KCNIP4: variants seen among roughly 807,000 people sequenced by gnomAD.
The protein encoded by KCNIP4 is potassium voltage-gated channel interacting protein 4.
Under a neutral mutation model 34.0 loss-of-function variants are expected in KCNIP4, and 12 were observed. That is an observed-to-expected ratio of 0.35 (90% CI 0.23 to 0.57). The LOEUF (loss-of-function observed/expected upper bound fraction) is 0.57. KCNIP4 is among the 20% of genes least tolerant of loss of function. The pLI is 0.83. For synonymous variants in KCNIP4, 124 were observed against 102.2 expected (o/e 1.21, Z -1.29); for missense variants, 238 against 311.7 (o/e 0.76, Z 1.78).
At chr4:21,608,429 A>G (rs951993806) in intron 1 of KCNIP4, among the ~76,000 whole-genome samples, 2 of 152,190 alleles carry the variant, frequency 1.3e-5, no homozygotes, top group Non-Finnish European at 2.9e-5. Flanking sequence ...GCTAAGGACC[A>G]TTCTTAGATT....
chr4:21,405,100 T>A (rs552270150), intron 1 of KCNIP4, among the ~76,000 whole-genome samples: 5 of 152,166 alleles, frequency 3.3e-5, no homozygotes, highest in Non-Finnish European at 5.9e-5. Flanking sequence ...CTCCCAGGTC[T>A]GATCACCCTG....
At chr4:21,388,185 GA>G (rs1184332300) in intron 1 of KCNIP4, among the ~76,000 whole-genome samples, 2 of 149,936 alleles carry the variant, frequency 1.3e-5, no homozygotes, top group African/African-American at 5.0e-5. Flanking sequence ...AATTATAACG[GA>G]TTACCATCAC....
chr4:21,035,275 T>C (rs926199627), intron 1 of KCNIP4, among the ~76,000 whole-genome samples: 20 of 152,214 alleles, frequency 1.3e-4, no homozygotes, highest in African/African-American at 4.3e-4. Flanking sequence ...TTGCCTGCAA[T>C]TTCCAAGGCT....
intron 1 of KCNIP4, among the ~76,000 whole-genome samples, chr4:21,140,824 T>C (rs568529808): frequency 5.9e-5 from 9 of 152,282 alleles, no homozygotes; most frequent in Non-Finnish European, 1.2e-4. Context: ...TCCCTGTCCA[T>C]CTGCTATTGA....
chr4:21,484,169 G>A (rs7678634), intron 1 of KCNIP4, among the ~76,000 whole-genome samples: 1,709 of 151,126 alleles, frequency 0.011, 36 homozygotes, highest in African/African-American at 0.039. Flanking sequence ...GCTCACGCCT[G>A]TAATCCCAGC....
chr4:20,945,395 C>A (rs757028404), intron 1 of KCNIP4, among the ~76,000 whole-genome samples: 2 of 152,154 alleles, frequency 1.3e-5, no homozygotes, highest in East Asian at 3.9e-4. Context: ...GAACATTTAG[C>A]CCTATCTTGA....
chr4:21,275,165 A>G (rs1201267198), intron 1 of KCNIP4, among the ~76,000 whole-genome samples: 1 of 152,164 alleles, frequency 6.6e-6, no homozygotes, highest in Non-Finnish European at 1.5e-5. Context: ...TCAGCCTTTT[A>G]TCTTTAGAGA....
intron 3 of KCNIP4, among the ~76,000 whole-genome samples, chr4:20,848,462 G>A (rs948195026): frequency 1.4e-5 from 2 of 148,118 alleles, no homozygotes; most frequent in African/African-American, 5.0e-5. Flanking sequence ...GAGAGAAAAG[G>A]AAGAAGAGAA....
intron 1 of KCNIP4, among the ~76,000 whole-genome samples, chr4:21,059,536 C>A (rs1292099597): frequency 2.0e-5 from 3 of 151,894 alleles, no homozygotes; most frequent in Admixed American, 6.6e-5. Flanking sequence ...CGAGACCACA[C>A]CAGAGAAGGA....
intron 1 of KCNIP4, among the ~76,000 whole-genome samples, chr4:21,100,556 A>AAAAT (rs1308876728): frequency 6.6e-6 from 1 of 152,090 alleles, no homozygotes; most frequent in Non-Finnish European, 1.5e-5. Flanking sequence ...CTGTCTCAAA[A>AAAAT]AAATAAATAA....
At chr4:21,731,361 T>C (rs758851683) in intron 1 of KCNIP4, among the ~76,000 whole-genome samples, 8 of 152,044 alleles carry the variant, frequency 5.3e-5, no homozygotes, top group Non-Finnish European at 8.8e-5. Context: ...TGTTTAGACA[T>C]ACAGAAATAC....
chr4:21,904,819 C>T (rs1727905173), intron 1 of KCNIP4, among the ~76,000 whole-genome samples: 1 of 152,176 alleles, frequency 6.6e-6, no homozygotes, highest in Non-Finnish European at 1.5e-5. Flanking sequence ...TAAGTAGCTC[C>T]ATCCCAAGTC....
chr4:21,356,262 A>G (rs1718582580), intron 1 of KCNIP4, among the ~76,000 whole-genome samples: 1 of 152,182 alleles, frequency 6.6e-6, no homozygotes, highest in South Asian at 2.1e-4. Context: ...AACCAGCATA[A>G]GACAAGGATG....
intron 3 of KCNIP4, among the ~76,000 whole-genome samples, chr4:20,764,880 C>T (rs1392741514): frequency 1.3e-5 from 2 of 152,154 alleles, no homozygotes; most frequent in African/African-American, 4.8e-5. Flanking sequence ...ACCACATCAC[C>T]ACAATCACAG....
At chr4:21,739,412 C>T (rs1017566893) in intron 1 of KCNIP4, among the ~76,000 whole-genome samples, 5 of 151,926 alleles carry the variant, frequency 3.3e-5, no homozygotes, top group Admixed American at 6.6e-5. Context: ...ATCTATGTTT[C>T]AAAAAGGATA....
At chr4:21,480,177 A>G (rs957781619) in intron 1 of KCNIP4, among the ~76,000 whole-genome samples, 2 of 151,926 alleles carry the variant, frequency 1.3e-5, no homozygotes, top group Admixed American at 6.6e-5. Context: ...TAAAAAGTCA[A>G]ATAAAATTGT....
At chr4:20,943,138 C>T (rs184392449) in intron 1 of KCNIP4, among the ~76,000 whole-genome samples, 4 of 152,006 alleles carry the variant, frequency 2.6e-5, no homozygotes, top group African/African-American at 9.7e-5. Flanking sequence ...TTTTATTCAA[C>T]CTATAATTAT....
In KCNIP4 at chr4:21,713,461, T is replaced by TA. The variant is rs772621422; in HGVS notation, c.61+235109dup. ...ATAGAAATATATCTGCACTCTTCTT[T>TA]AAAAAAATTACTAATACATAATAGT... is the stretch of plus-strand genomic sequence containing the variant. On this transcript the variant is annotated intron_variant, in intron 1 of 8. Transcript: ENST00000382152. 1.6e-4 allele frequency among the ~76,000 whole-genome samples: 25 copies of TA among 152,260 alleles called. 1 individual carries two copies. In the South Asian group the frequency reaches 1.7e-3, roughly 10 times the overall value.
chr4:21,367,215 G>GT (rs1371144369), intron 1 of KCNIP4, among the ~76,000 whole-genome samples: 13 of 151,950 alleles, frequency 8.6e-5, no homozygotes, highest in East Asian at 5.8e-4. Context: ...CCAGTCTCAG[G>GT]TTTTTTTTGT....
Sources: allele counts gnomAD v4.1 joint callset (sites outside exome capture counted in the v4.1 genomes callset), GRCh38; gene constraint gnomAD v4.1.1; transcripts MANE v1.5; gene names NCBI Gene and HGNC (gene_info 2026-07-23, HGNC 2026-07-21).